PDGFD: variants seen among roughly 807,000 people sequenced by gnomAD.
PDGFD encodes platelet-derived growth factor D.
A neutral mutation model predicts 44.7 loss-of-function variants in PDGFD; 30 were observed. That is an observed-to-expected ratio of 0.67 (90% CI 0.50 to 0.91). The LOEUF (loss-of-function observed/expected upper bound fraction) is 0.91, where lower values mean the gene tolerates loss of function less well. Ranked by LOEUF, PDGFD falls within the 40% of genes least tolerant of loss-of-function variation. The pLI is 0.00. For synonymous variants in PDGFD, 173 were observed against 168.4 expected (o/e 1.03, Z -0.21); for missense variants, 445 against 457.8 (o/e 0.97, Z 0.25).
In PDGFD at chr11:104,077,495, G is replaced by T. The variant is rs79586821; in HGVS notation, c.125-77240C>A. Among the ~76,000 whole-genome samples, 459 of 152,212 alleles carry T rather than the reference G, an allele frequency of 3.0e-3. 2 individuals are homozygous for T. Among genetic ancestry groups the T allele is most frequent in the African/African-American group, 9.8e-3 (409 of 41,542 alleles). On this transcript the variant is annotated intron_variant, in intron 1 of 6. Coordinates refer to ENST00000393158, the MANE Select transcript of PDGFD (RefSeq NM_025208.5). The stretch of plus-strand genomic sequence containing the variant: ...AAGTGGGGACAGGGAGAGGTAAATG[G>T]GGATTTGTGAAGTACATAAAAGAAA...
In PDGFD at chr11:104,164,013, C is replaced by A; in HGVS notation, c.-86G>T. ...CCGACGCCGCGCCGCCCTGCGCTCT[C>A]GCCGCCTGCGCTCGCCCTGCGCTGG... On this transcript the variant is annotated 5_prime_UTR_variant, in exon 1 of 7. Transcript: ENST00000393158. The A allele has an allele frequency of 5.0e-6, 7 of 1,388,920 alleles. No homozygotes were observed. The highest frequency in any genetic ancestry group is 1.4e-5 in the African/African-American group (1 of 69,546). 86.0% of individuals were successfully genotyped at this position (1,388,920 alleles called of 1,614,324 possible).
chr11:104,136,376 C>A (rs1475874964), intron 1 of PDGFD, among the ~76,000 whole-genome samples: 1 of 152,122 alleles, frequency 6.6e-6, no homozygotes. Flanking sequence ...TCAAAAAACC[C>A]AGCAATCCTC....
chr11:104,131,544 A>T (rs1216215996), intron 1 of PDGFD, among the ~76,000 whole-genome samples: 1 of 151,994 alleles, frequency 6.6e-6, no homozygotes, highest in Admixed American at 6.6e-5. Context: ...CTTTGCCTAC[A>T]TATCCTTAGA....
chr11:104,148,559 T>C (rs1203337905), intron 1 of PDGFD, among the ~76,000 whole-genome samples: 1 of 152,198 alleles, frequency 6.6e-6, no homozygotes, highest in Non-Finnish European at 1.5e-5. Flanking sequence ...AATATTTACA[T>C]ACATAATGAG....
chr11:103,996,013 C>T (rs930520025), intron 3 of PDGFD, 52 bp downstream of exon 3: 86 of 1,503,706 alleles, frequency 5.7e-5, no homozygotes, highest in Non-Finnish European at 7.7e-5. Context: ...TTGATCTCTA[C>T]ACTTCATGAA....
intron 1 of PDGFD, among the ~76,000 whole-genome samples, chr11:104,160,031 T>C (rs544845953): frequency 9.8e-5 from 15 of 152,330 alleles, no homozygotes; most frequent in African/African-American, 3.1e-4. Context: ...TTCTTTGCTT[T>C]CAGACTCTTT....
intron 1 of PDGFD, among the ~76,000 whole-genome samples, chr11:104,086,825 C>A (rs1861136406): frequency 6.6e-6 from 1 of 152,288 alleles, no homozygotes; most frequent in South Asian, 2.1e-4. Context: ...GTATCAGCAA[C>A]AGATAATCAG....
rs760898574 is a variant in PDGFD at position 104,163,890 on chromosome 11, G to A, written c.38C>T (p.Ala13Val). The change falls in exon 1 of 7, where the codon GCA becomes GTA. Residue 13 changes from alanine (A) to valine (V), a missense_variant. Coordinates refer to ENST00000393158, the MANE Select transcript of PDGFD (RefSeq NM_025208.5). ...AGTGTCCCGACAGCTGCAAAAGTTT[G>A]CGCAGATTAGAGTGTAGACAAAGAT... is the stretch of plus-strand genomic sequence containing the variant. ...RLIFVYTLIC[A>V]NFCSCRDTSA... The A allele has an allele frequency of 7.6e-6, 12 of 1,575,780 alleles. No individual in the cohort carries two copies. The highest frequency in any genetic ancestry group is 1.7e-5 in the Admixed American group (1 of 58,742).
intron 5 of PDGFD, among the ~76,000 whole-genome samples, chr11:103,927,892 G>A (rs1036508708): frequency 6.6e-5 from 10 of 152,150 alleles, no homozygotes; most frequent in Middle Eastern, 3.2e-3. Flanking sequence ...TGAATGTAAC[G>A]TGCCTGGCAC....
chr11:103,965,275 T>A (rs1858998591), intron 3 of PDGFD, among the ~76,000 whole-genome samples: 1 of 152,156 alleles, frequency 6.6e-6, no homozygotes, highest in South Asian at 2.1e-4. Flanking sequence ...ATATACTACC[T>A]AACCATAGGA....
At chr11:104,024,210 A>G (rs1180263521) in intron 1 of PDGFD, among the ~76,000 whole-genome samples, 1 of 152,136 alleles carries the variant, frequency 6.6e-6, no homozygotes, top group East Asian at 1.9e-4. Flanking sequence ...AAAATAGGTA[A>G]ATCAAAAGGA....
intron 1 of PDGFD, among the ~76,000 whole-genome samples, chr11:104,145,634 T>A (rs1313563188): frequency 6.6e-6 from 1 of 152,204 alleles, no homozygotes; most frequent in Non-Finnish European, 1.5e-5. Flanking sequence ...AGGGAGCTCT[T>A]TAGGCCTTTT....
chr11:104,008,986 A>G (rs190209051), intron 1 of PDGFD, among the ~76,000 whole-genome samples: 1 of 152,278 alleles, frequency 6.6e-6, no homozygotes, highest in East Asian at 1.9e-4. Flanking sequence ...AAATTGTAAA[A>G]TGCCCCAAAT....
chr11:103,979,791 C>T (rs993690249), intron 3 of PDGFD, among the ~76,000 whole-genome samples: 22 of 152,076 alleles, frequency 1.4e-4, no homozygotes, highest in African/African-American at 5.1e-4. Context: ...TGAGAAATAA[C>T]CATTCTATTT....
intron 1 of PDGFD, among the ~76,000 whole-genome samples, chr11:104,114,803 C>T (rs1861608355): frequency 6.6e-6 from 1 of 151,326 alleles, no homozygotes; most frequent in Non-Finnish European, 1.5e-5. Context: ...TCATATAGAC[C>T]CCGTACATAT....
chr11:104,113,227 C>A (rs571525727), intron 1 of PDGFD, among the ~76,000 whole-genome samples: 1 of 152,204 alleles, frequency 6.6e-6, no homozygotes, highest in South Asian at 2.1e-4. Flanking sequence ...TAAGAAAACA[C>A]ATGATTGAAC....
intron 1 of PDGFD, among the ~76,000 whole-genome samples, chr11:104,024,634 T>C (rs770567289): frequency 5.3e-5 from 8 of 152,350 alleles, no homozygotes; most frequent in Middle Eastern, 3.4e-3. Context: ...CCAAGGGCTA[T>C]ACCATACAGC....
intron 3 of PDGFD, among the ~76,000 whole-genome samples, chr11:103,960,800 A>G (rs895494886): frequency 2.0e-5 from 3 of 152,148 alleles, no homozygotes; most frequent in Non-Finnish European, 2.9e-5. Context: ...GAGTGCTGAC[A>G]TGGTTGGGCT....
chr11:104,156,113 G>A (rs534377929), intron 1 of PDGFD, among the ~76,000 whole-genome samples: 58 of 152,240 alleles, frequency 3.8e-4, no homozygotes, highest in African/African-American at 1.2e-3. Flanking sequence ...GTTTGATTTA[G>A]TCAACACTGT....
Sources: allele counts gnomAD v4.1 joint callset (sites outside exome capture counted in the v4.1 genomes callset), GRCh38; gene constraint gnomAD v4.1.1; transcripts MANE v1.5; gene names NCBI Gene and HGNC (gene_info 2026-07-23, HGNC 2026-07-21).